The following AP3B1 variants were observed in gnomAD, a reference collection of about 807,000 sequenced individuals.
The protein encoded by AP3B1 is adaptor related protein complex 3 subunit beta 1, also known as AP-3 complex subunit beta-1.
AP3B1 carries 61 observed loss-of-function variants against 132.5 expected under a neutral mutation model. The observed-to-expected ratio is 0.46, with a 90% CI of 0.37 to 0.57. The LOEUF is 0.57. Among genes scored for constraint, AP3B1 ranks in the 20% least tolerant of loss-of-function variants. The pLI is 0.00. For synonymous variants in AP3B1, 388 were observed against 438.3 expected (o/e 0.89, Z 1.43); for missense variants, 1,120 against 1,289.4 (o/e 0.87, Z 2.01).
At chr5:78,025,375 G>A (rs1320422967) in intron 24 of AP3B1, among the ~76,000 whole-genome samples, 1 of 152,126 alleles carries the variant, frequency 6.6e-6, no homozygotes, top group Non-Finnish European at 1.5e-5. Context: ...CTAGCTGCTT[G>A]CAGGGGGTAG....
At chr5:78,251,220 AAC>A (rs10585529) in intron 2 of AP3B1, among the ~76,000 whole-genome samples, 32,653 of 152,120 alleles carry the variant, frequency 0.21, 3,646 homozygotes, top group Admixed American at 0.29. Context: ...AGACAGTTGA[AAC>A]AGATTCTCTA....
Position 78,061,131 on chromosome 5 carries a change from A to G in AP3B1, c.2578-21857T>C, listed in dbSNP as rs572060649. Among the ~76,000 whole-genome samples the G allele has an allele frequency of 4.9e-4, 75 of 151,748 alleles. 1 individual carries two copies. Among genetic ancestry groups the G allele is most frequent in the Non-Finnish European group, 7.9e-4 (54 of 67,938 alleles). Reference sequence around the variant, plus strand: ...CAGAATACAAATAATCTGGTCAAACATAGAAAAAAAAAAAAACACTTCTCT... The same window carrying G: ...CAGAATACAAATAATCTGGTCAAACGTAGAAAAAAAAAAAAACACTTCTCT... On this transcript the variant is annotated intron_variant, in intron 22 of 26. Coordinates refer to ENST00000255194, the MANE Select transcript of AP3B1 (RefSeq NM_003664.5).
intron 17 of AP3B1, among the ~76,000 whole-genome samples, chr5:78,126,504 C>CA (rs70997969): frequency 0.17 from 10,757 of 61,776 alleles, 2,353 homozygotes; most frequent in Non-Finnish European, 0.24. Flanking sequence ...GACTCTGTCT[C>CA]AAAAAAAAAA....
intron 7 of AP3B1, among the ~76,000 whole-genome samples, chr5:78,205,995 TTAAC>T (rs893592282): frequency 6.6e-6 from 1 of 152,154 alleles, no homozygotes; most frequent in Non-Finnish European, 1.5e-5. Flanking sequence ...AAACTTATTT[TTAAC>T]TAACATTTTT....
intron 2 of AP3B1, among the ~76,000 whole-genome samples, chr5:78,259,158 G>A (rs1747973039): frequency 6.6e-6 from 1 of 151,886 alleles, no homozygotes; most frequent in Non-Finnish European, 1.5e-5. Context: ...TGAGGCAGGA[G>A]AATGGTGTGA....
intron 17 of AP3B1, among the ~76,000 whole-genome samples, chr5:78,127,002 G>A (rs559053632): frequency 6.6e-4 from 100 of 152,250 alleles, no homozygotes; most frequent in African/African-American, 2.3e-3. Flanking sequence ...CACTGTCAGG[G>A]GTTCCTAAAT....
intron 22 of AP3B1, chr5:78,087,763 C>T (rs1355916218): frequency 1.2e-6 from 1 of 845,238 alleles, no homozygotes; most frequent in African/African-American, 1.8e-5. Context: ...ACAAGCTTTT[C>T]TAATCTCAAC....
At chr5:78,216,325 T>A in intron 6 of AP3B1, 88 bp from the exon 7 acceptor site, 4 of 1,232,390 alleles carry the variant, frequency 3.2e-6, no homozygotes, top group South Asian at 1.3e-5. Context: ...ATCAGTTTCA[T>A]GCCAATCAGT....
intron 4 of AP3B1, 22 bp downstream of exon 4, chr5:78,228,122 G>T (rs1340567586): frequency 2.0e-6 from 3 of 1,514,952 alleles, no homozygotes; most frequent in Non-Finnish European, 2.7e-6. Flanking sequence ...GTAGCTATTT[G>T]CCTACTCACT....
At chr5:78,242,363 A>G (rs920566079) in intron 2 of AP3B1, among the ~76,000 whole-genome samples, 3 of 151,982 alleles carry the variant, frequency 2.0e-5, no homozygotes, top group Non-Finnish European at 4.4e-5. Context: ...TGCTACAGCC[A>G]TCTCCTAACA....
rs576766483 is a variant in AP3B1 at position 78,155,222 on chromosome 5, A to ACTCTTGTT, written c.1473+1028_1473+1035dup. Among the ~76,000 whole-genome samples, 27 of 152,056 alleles carry ACTCTTGTT rather than the reference A, an allele frequency of 1.8e-4. No individual in the cohort carries two copies. The East Asian group carries it at 4.8e-3, about 27-fold the overall frequency. Reference sequence around the variant, plus strand: ...GAACTCTCTAGATTACCAGGCAGAGACTCTTGTTCTCTTGTTCTCTTCCCA... The same window carrying ACTCTTGTT: ...GAACTCTCTAGATTACCAGGCAGAGACTCTTGTTCTCTTGTTCTCTTGTTCTCTTCCCA... On this transcript the variant is annotated intron_variant, in intron 14 of 26. Coordinates refer to ENST00000255194, the MANE Select transcript of AP3B1 (RefSeq NM_003664.5).
At chr5:78,212,601 A>T (rs935084555) in intron 7 of AP3B1, among the ~76,000 whole-genome samples, 1 of 152,172 alleles carries the variant, frequency 6.6e-6, no homozygotes, top group African/African-American at 2.4e-5. Flanking sequence ...GGAGGGCTAG[A>T]GTGAAGACAT....
rs528729417 is a variant in AP3B1, at chr5:78,230,651, G to A, written c.280-2412C>T. Among the ~76,000 whole-genome samples, 135 of 152,046 alleles carry A rather than the reference G, an allele frequency of 8.9e-4. 1 individual carries two copies. The highest frequency in any genetic ancestry group is 2.7e-3 in the South Asian group (13 of 4,814). On this transcript the variant is annotated intron_variant, in intron 3 of 26. Transcript: ENST00000255194. ...CACTCAGGTTATCCCAAGTTATCCC[G>A]CTTCACCAAGTTCCACTTCCCCAAG...
intron 7 of AP3B1, among the ~76,000 whole-genome samples, chr5:78,201,442 A>T (rs549097982): frequency 3.9e-5 from 6 of 152,366 alleles, no homozygotes; most frequent in Admixed American, 3.9e-4. Flanking sequence ...ATATTCATAC[A>T]ATAGACTATT....
At chr5:78,237,940 C>T (rs1036450170) in intron 3 of AP3B1, among the ~76,000 whole-genome samples, 1 of 152,210 alleles carries the variant, frequency 6.6e-6, no homozygotes, top group African/African-American at 2.4e-5. Context: ...CAGAGTGCAA[C>T]TTACACAAAC....
At chr5:78,182,257 T>G (rs1031091388) in intron 7 of AP3B1, among the ~76,000 whole-genome samples, 1 of 152,212 alleles carries the variant, frequency 6.6e-6, no homozygotes, top group Non-Finnish European at 1.5e-5. Flanking sequence ...AGGCATTTAG[T>G]GCTCAAAACA....
rs1365489449 is a variant in AP3B1, at chr5:78,084,188, T to C, written c.2577+5205A>G. On this transcript the variant is annotated intron_variant, in intron 22 of 26. Coordinates refer to ENST00000255194, the MANE Select transcript of AP3B1 (RefSeq NM_003664.5). Reference sequence around the variant, plus strand: ...GATTTGCTCAATATCACCCAATTAATTAGTAGTGGTGATCTAGAAAGACAG... The same window carrying C: ...GATTTGCTCAATATCACCCAATTAACTAGTAGTGGTGATCTAGAAAGACAG... Among the ~76,000 whole-genome samples the C allele has an allele frequency of 7.2e-5, 11 of 151,996 alleles. No homozygotes were observed. The East Asian group carries it at 2.1e-3, about 29-fold the overall frequency.
intron 11 of AP3B1, among the ~76,000 whole-genome samples, chr5:78,175,346 T>C (rs1204009199): frequency 3.3e-5 from 5 of 152,218 alleles, no homozygotes; most frequent in Non-Finnish European, 7.3e-5. Flanking sequence ...TATTTGGCCA[T>C]CTTGGAACAA....
At chr5:78,258,393 T>G (rs916027537) in intron 2 of AP3B1, among the ~76,000 whole-genome samples, 1 of 152,146 alleles carries the variant, frequency 6.6e-6, no homozygotes, top group East Asian at 1.9e-4. Context: ...AAGACGTTAC[T>G]CAAAAGAAGA....
Sources: gnomAD v4.1 joint callset for allele counts (sites outside exome capture counted in the v4.1 genomes callset) on GRCh38, gnomAD v4.1.1 for gene constraint, MANE v1.5 for transcripts, NCBI Gene and HGNC (gene_info 2026-07-23, HGNC 2026-07-21) for gene names.